Variants in DHRS7C observed in about 807,000 individuals in gnomAD.
DHRS7C encodes dehydrogenase/reductase SDR family member 7C.
DHRS7C carries 28 observed loss-of-function variants against 29.6 expected under a neutral mutation model. The observed-to-expected ratio is 0.95, with a 90% CI of 0.70 to 1.30. The LOEUF is 1.30. DHRS7C is among the 50% of genes most tolerant of loss of function. DHRS7C has a pLI of 0.00. For missense variants in DHRS7C, 403 were observed against 393.3 expected (o/e 1.02, Z -0.21); for synonymous variants, 158 against 160.2 (o/e 0.99, Z 0.10).
rs1028080605 is a variant in DHRS7C, at chr17:9,771,522, A to G, written c.902T>C (p.Val301Ala). 1.3e-6 allele frequency: 2 copies of G among 1,562,072 alleles called. No homozygotes were observed. The highest frequency in any genetic ancestry group is 1.7e-6 in the Non-Finnish European group (2 of 1,150,028). Residue 301 changes from valine to alanine, a missense_variant, in exon 6 of 6, where the codon GTG becomes GCG. Physicochemically the swap from Val to Ala is moderately conservative, Grantham distance 64. Coordinates refer to ENST00000571134, the MANE Select transcript of DHRS7C (RefSeq NM_001105571.3). ...EFFFAVVACG[V>A]KEKLNVPEEG ...CTCCGGGACATTGAGCTTCTCCTTC[A>G]CCCCACAGGCCACCACGGCGAAAAA...
intron 1 of DHRS7C, among the ~76,000 whole-genome samples, chr17:9,786,013 G>A (rs906521268): frequency 6.6e-6 from 1 of 151,934 alleles, no homozygotes; most frequent in Non-Finnish European, 1.5e-5. Context: ...GTGACGGAAG[G>A]ATTTTGCATA....
At chr17:9,790,182 G>T (rs2066447046) in intron 1 of DHRS7C, among the ~76,000 whole-genome samples, 1 of 152,008 alleles carries the variant, frequency 6.6e-6, no homozygotes, top group Admixed American at 6.6e-5. Context: ...CCCCCCAGAG[G>T]GACTCTCGGG....
intron 1 of DHRS7C, among the ~76,000 whole-genome samples, chr17:9,784,280 G>A (rs2066410150): frequency 6.6e-6 from 1 of 152,104 alleles, no homozygotes; most frequent in African/African-American, 2.4e-5. Context: ...AGAACATCCT[G>A]GCTAACACGG....
intron 1 of DHRS7C, among the ~76,000 whole-genome samples, chr17:9,787,773 T>C (rs1027763281): frequency 1.2e-4 from 19 of 152,148 alleles, no homozygotes; most frequent in African/African-American, 4.6e-4. Flanking sequence ...AGTGGTGTGA[T>C]TTCAGCTCCC....
rs1391684800 is a variant in DHRS7C at position 9,775,937 on chromosome 17, C to T, written c.571+1256G>A. Among the ~76,000 whole-genome samples the T allele has an allele frequency of 1.3e-5, 2 of 152,212 alleles. No individual in the cohort carries two copies. Among genetic ancestry groups the T allele is most frequent in the Non-Finnish European group, 2.9e-5 (2 of 68,034 alleles). On this transcript the variant is annotated intron_variant, in intron 4 of 5. Transcript: ENST00000571134. This position sits in a 1 kb window ranked among gnomAD's most constrained non-coding sequence, Gnocchi z 4.2. ...AAATTTGGGGCCGGGCATGGTGGCTCACGCCTGTAATCCCAGCACTTTGGG... is the reference window on the plus strand; with the variant it reads ...AAATTTGGGGCCGGGCATGGTGGCTTACGCCTGTAATCCCAGCACTTTGGG...
Position 9,772,838 on chromosome 17 carries a change from A to G in DHRS7C, c.656T>C (p.Val219Ala). ...VEEYDVVIST[V>A]SPTFIRSYHV... ...GTACGACCGGATGAAAGTCGGGCTC[A>G]CGGTGCTGATGACAACATCGTATTC... The change falls in exon 5 of 6, where the codon GTG becomes GCG. Residue 219 changes from valine (V) to alanine (A), a missense_variant. Transcript: ENST00000571134. 1.9e-6 allele frequency: 3 copies of G among 1,613,982 alleles called. No individual in the cohort carries two copies. Among genetic ancestry groups the G allele is most frequent in the Non-Finnish European group, 2.5e-6 (3 of 1,179,894 alleles).
chr17:9,781,695 G>C (rs2066394216), intron 1 of DHRS7C, 101 bp from the exon 2 acceptor site: 3 of 1,157,694 alleles, frequency 2.6e-6, no homozygotes, highest in Non-Finnish European at 3.7e-6. Flanking sequence ...AAACTCAGAA[G>C]TCTTAGCACC....
rs977038403 is a variant in DHRS7C at position 9,774,933 on chromosome 17, C to T, written c.572-2011G>A. On this transcript the variant is annotated intron_variant, in intron 4 of 5. Transcript: ENST00000571134. This position sits in a 1 kb window ranked among gnomAD's most constrained non-coding sequence, Gnocchi z 5.0. Reference sequence around the variant, plus strand: ...GGAAACTCTGTGCCCCTCAATTCCTCAGCTTCAGAGAAGCCAGACCATGAC... The same window carrying T: ...GGAAACTCTGTGCCCCTCAATTCCTTAGCTTCAGAGAAGCCAGACCATGAC... Among the ~76,000 whole-genome samples the T allele has an allele frequency of 1.3e-5, 2 of 152,196 alleles. No individual in the cohort carries two copies. The highest frequency in any genetic ancestry group is 2.9e-5 in the Non-Finnish European group (2 of 68,050).
Position 9,775,667 on chromosome 17 carries a change from C to T in DHRS7C, c.571+1526G>A, listed in dbSNP as rs1222310638. Among the ~76,000 whole-genome samples, 1 of 152,116 alleles carries T rather than the reference C, an allele frequency of 6.6e-6. No individual in the cohort carries two copies. Among genetic ancestry groups the T allele is most frequent in the Non-Finnish European group, 1.5e-5 (1 of 68,026 alleles). Reference sequence around the variant, plus strand: ...GGAGTAATCAAGTTTTCCCACATCACAGGCTCACAGCACCACAGGCCTAAA... The same window carrying T: ...GGAGTAATCAAGTTTTCCCACATCATAGGCTCACAGCACCACAGGCCTAAA... On this transcript the variant is annotated intron_variant, in intron 4 of 5. Transcript: ENST00000571134. This position sits in a 1 kb window ranked among gnomAD's most constrained non-coding sequence, Gnocchi z 4.2.
intron 1 of DHRS7C, among the ~76,000 whole-genome samples, chr17:9,788,259 T>C (rs1035140406): frequency 6.6e-6 from 1 of 152,126 alleles, no homozygotes; most frequent in African/African-American, 2.4e-5. Context: ...CAGGCTGGAG[T>C]GCAGTGGCAT....
chr17:9,789,120 C>T (rs1226953881), intron 1 of DHRS7C, among the ~76,000 whole-genome samples: 1 of 152,100 alleles, frequency 6.6e-6, no homozygotes, highest in Admixed American at 6.5e-5. Flanking sequence ...TGTATTTCTA[C>T]CTAATAAGAC....
chr17:9,786,539 A>C (rs927208481), intron 1 of DHRS7C, among the ~76,000 whole-genome samples: 2 of 152,022 alleles, frequency 1.3e-5, no homozygotes, highest in African/African-American at 4.8e-5. Context: ...GGATGTGTTC[A>C]CACAGGATGT....
rs967044745 is a variant in DHRS7C, at chr17:9,774,875, G to A, written c.572-1953C>T. ...AAGAAGAGAATTTGGGGCCAGTCCA[G>A]GGTGGCATGGCTTCAGTTCTGACAT... On this transcript the variant is annotated intron_variant, in intron 4 of 5. Coordinates refer to ENST00000571134, the MANE Select transcript of DHRS7C (RefSeq NM_001105571.3). The surrounding 1 kb of genome is among the most constrained non-coding windows in gnomAD (Gnocchi z 5.0). Among the ~76,000 whole-genome samples the A allele has an allele frequency of 6.6e-6, 1 of 152,216 alleles. No homozygotes were observed. The highest frequency in any genetic ancestry group is 1.5e-5 in the Non-Finnish European group (1 of 68,042).
chr17:9,788,033 G>A (rs1322478656), intron 1 of DHRS7C, among the ~76,000 whole-genome samples: 1 of 152,068 alleles, frequency 6.6e-6, no homozygotes, highest in East Asian at 1.9e-4. Flanking sequence ...TATGGGGATT[G>A]TAAGATGCTA....
At chr17:9,784,854 C>T (rs1381852006) in intron 1 of DHRS7C, among the ~76,000 whole-genome samples, 1 of 152,202 alleles carries the variant, frequency 6.6e-6, no homozygotes, top group African/African-American at 2.4e-5. Context: ...GAAGCCCTAA[C>T]AACTGATGTT....
At chr17:9,783,961 T>G (rs2050290172) in intron 1 of DHRS7C, among the ~76,000 whole-genome samples, 3 of 149,270 alleles carry the variant, frequency 2.0e-5, no homozygotes, top group South Asian at 4.3e-4. Flanking sequence ...TTTTGTTTTT[T>G]TTTTTAAAAT....
intron 4 of DHRS7C, among the ~76,000 whole-genome samples, chr17:9,773,718 C>T (rs1248870606): frequency 6.1e-5 from 7 of 114,478 alleles, no homozygotes; most frequent in African/African-American, 2.2e-4. Flanking sequence ...TGCAATGAGG[C>T]CTTTTTTTTT....
intron 1 of DHRS7C, 43 bp downstream of exon 1, chr17:9,791,088 C>T: frequency 6.3e-7 from 1 of 1,577,704 alleles, no homozygotes; most frequent in Non-Finnish European, 8.6e-7. Flanking sequence ...CTGCCAGTCC[C>T]TGGGGGCAGA....
In DHRS7C at chr17:9,776,265, G is replaced by A. The variant is rs561254244; in HGVS notation, c.571+928C>T. 5.3e-5 allele frequency among the ~76,000 whole-genome samples: 8 copies of A among 152,294 alleles called. No homozygotes were observed. The South Asian group carries it at 1.7e-3, about 32-fold the overall frequency. On this transcript the variant is annotated intron_variant, in intron 4 of 5. Transcript: ENST00000571134. ...ATAGGGAGGCAACAGACATGCACGTGCACAGAGGAAAGACTGTGTGGGGAC... is the reference window on the plus strand; with the variant it reads ...ATAGGGAGGCAACAGACATGCACGTACACAGAGGAAAGACTGTGTGGGGAC...
Sources: gnomAD v4.1 joint callset for allele counts (sites outside exome capture counted in the v4.1 genomes callset) on GRCh38, gnomAD v4.1.1 for gene constraint, Gnocchi (gnomAD v3.1) non-coding constraint, MANE v1.5 for transcripts, NCBI Gene and HGNC (gene_info 2026-07-23, HGNC 2026-07-21) for gene names.